Variants in OLFM3 observed in about 807,000 individuals in gnomAD.
The protein encoded by OLFM3 is noelin-3.
OLFM3 carries 20 observed loss-of-function variants against 48.6 expected under a neutral mutation model. That is an observed-to-expected ratio of 0.41 (90% CI 0.29 to 0.60). OLFM3 has a LOEUF of 0.60. Among genes scored for constraint, OLFM3 ranks in the 20% least tolerant of loss-of-function variants. The pLI is 0.28. For synonymous variants in OLFM3, 222 were observed against 198.1 expected, an observed-to-expected ratio of 1.12 and a Z score of -1.01; for missense variants, 437 against 544.3, an observed-to-expected ratio of 0.80 and a Z score of 1.96.
Position 101,950,868 on chromosome 1 carries a change from A to G in OLFM3, c.69+45880T>C, listed in dbSNP as rs565089132. On this transcript the variant is annotated intron_variant, in intron 1 of 5. Transcript: ENST00000370103. ...GTGCCAAGCTCGGAAAAGGAACTCA[A>G]TAAATACTTATTGATTGAACAAATA... Among the ~76,000 whole-genome samples, 3 of 152,304 alleles carry G rather than the reference A, an allele frequency of 2.0e-5. No homozygotes were observed. The South Asian group carries it at 6.2e-4, about 32-fold the overall frequency.
chr1:101,853,301 C>T (rs920571599), intron 1 of OLFM3, among the ~76,000 whole-genome samples: 3 of 151,938 alleles, frequency 2.0e-5, no homozygotes, highest in Non-Finnish European at 4.4e-5. Context: ...GTGGAAATTA[C>T]AATCTCTCAA....
intron 1 of OLFM3, among the ~76,000 whole-genome samples, chr1:101,874,753 A>G (rs1385034047): frequency 6.6e-6 from 1 of 151,852 alleles, no homozygotes; most frequent in East Asian, 1.9e-4. Context: ...CTGTGTTGTG[A>G]TACTGTTTGA....
chr1:101,942,964 A>T (rs1659840104), intron 1 of OLFM3, among the ~76,000 whole-genome samples: 1 of 152,134 alleles, frequency 6.6e-6, no homozygotes, highest in Non-Finnish European at 1.5e-5. Flanking sequence ...GAGTTGAATG[A>T]TTTATGAATG....
At chr1:101,888,470 C>T (rs1366338782) in intron 1 of OLFM3, among the ~76,000 whole-genome samples, 3 of 152,108 alleles carry the variant, frequency 2.0e-5, no homozygotes. Flanking sequence ...AAACTGGATC[C>T]CTTCCTTACA....
intron 1 of OLFM3, among the ~76,000 whole-genome samples, chr1:101,995,467 A>T (rs1008347469): frequency 6.6e-5 from 10 of 152,140 alleles, no homozygotes; most frequent in African/African-American, 2.4e-4. Context: ...CACAGAGTGA[A>T]GCGTTTACAT....
chr1:101,884,603 A>G (rs1389073098), intron 1 of OLFM3, among the ~76,000 whole-genome samples: 2 of 152,018 alleles, frequency 1.3e-5, no homozygotes, highest in African/African-American at 4.8e-5. Flanking sequence ...TAACTGTAAT[A>G]TTTTGTGCAA....
intron 1 of OLFM3, among the ~76,000 whole-genome samples, chr1:101,885,983 T>G (rs1179273088): frequency 6.6e-6 from 1 of 152,118 alleles, no homozygotes; most frequent in Non-Finnish European, 1.5e-5. Context: ...TGTATAGATA[T>G]TAGTGACAAA....
At chr1:101,889,329 A>T (rs1657897274) in intron 1 of OLFM3, among the ~76,000 whole-genome samples, 1 of 152,204 alleles carries the variant, frequency 6.6e-6, no homozygotes, top group Non-Finnish European at 1.5e-5. Context: ...TCCATAAAAA[A>T]GGATGAGTTC....
At chr1:101,840,546 C>G (rs755234317) in intron 1 of OLFM3, among the ~76,000 whole-genome samples, 1 of 151,490 alleles carries the variant, frequency 6.6e-6, no homozygotes, top group Non-Finnish European at 1.5e-5. Flanking sequence ...TCTCAGCTCA[C>G]TGCAACCACT....
chr1:101,961,115 A>T (rs992168607), intron 1 of OLFM3, among the ~76,000 whole-genome samples: 1 of 152,160 alleles, frequency 6.6e-6, no homozygotes, highest in African/African-American at 2.4e-5. Flanking sequence ...ATGCTTATCT[A>T]TAGAACTGGT....
chr1:101,812,412 T>C (rs1013009373), intron 4 of OLFM3: 4 of 985,172 alleles, frequency 4.1e-6, no homozygotes, highest in Admixed American at 1.2e-4. Context: ...ATAGGTACCT[T>C]ATTGCCAGAC....
At chr1:101,976,743 T>C (rs1373275235) in intron 1 of OLFM3, among the ~76,000 whole-genome samples, 2 of 152,186 alleles carry the variant, frequency 1.3e-5, no homozygotes, top group African/African-American at 4.8e-5. Context: ...TAACCACTTA[T>C]GGTATATTCT....
chr1:101,945,451 T>C (rs1030197455), intron 1 of OLFM3, among the ~76,000 whole-genome samples: 1 of 152,118 alleles, frequency 6.6e-6, no homozygotes, highest in Non-Finnish European at 1.5e-5. Flanking sequence ...CTAGAAAATA[T>C]AAACTAATTA....
chr1:101,829,841 C>CTT (rs58880163), intron 3 of OLFM3, among the ~76,000 whole-genome samples: 40,178 of 148,588 alleles, frequency 0.27, 6,555 homozygotes, highest in Non-Finnish European at 0.37. Context: ...TTTTTCTTTT[C>CTT]TTTTTTTTTT....
intron 1 of OLFM3, among the ~76,000 whole-genome samples, chr1:101,962,637 A>AAAAAC (rs1047482265): frequency 6.6e-6 from 1 of 152,140 alleles, no homozygotes; most frequent in African/African-American, 2.4e-5. Context: ...AATTACTTCA[A>AAAAAC]AAAACAAACA....
At chr1:101,842,271 G>A (rs1655759789) in intron 1 of OLFM3, among the ~76,000 whole-genome samples, 1 of 152,140 alleles carries the variant, frequency 6.6e-6, no homozygotes, top group Non-Finnish European at 1.5e-5. Context: ...CAGTGGCTCA[G>A]GTCTATAATC....
chr1:101,930,757 T>C (rs1292430367), intron 1 of OLFM3, among the ~76,000 whole-genome samples: 2 of 152,196 alleles, frequency 1.3e-5, no homozygotes, highest in Admixed American at 6.5e-5. Context: ...GATCTTTCCT[T>C]TGCAGATGAG....
chr1:101,835,376 G>A (rs749386729), intron 2 of OLFM3, among the ~76,000 whole-genome samples: 3 of 152,200 alleles, frequency 2.0e-5, no homozygotes, highest in Admixed American at 2.0e-4. Flanking sequence ...GTGCAGTGGT[G>A]AGTTCTCAGC....
intron 1 of OLFM3, among the ~76,000 whole-genome samples, chr1:101,892,676 A>T (rs7536632): frequency 0.19 from 29,011 of 151,856 alleles, 2,965 homozygotes; most frequent in Middle Eastern, 0.25. Context: ...CTCTTACTTT[A>T]AAAATGGTGA....
Sources: gnomAD v4.1 joint callset for allele counts (sites outside exome capture counted in the v4.1 genomes callset) on GRCh38, gnomAD v4.1.1 for gene constraint, MANE v1.5 for transcripts, NCBI Gene and HGNC (gene_info 2026-07-23, HGNC 2026-07-21) for gene names.